The following MAP3K12 variants were observed in gnomAD, a reference collection of about 807,000 sequenced individuals.
The protein encoded by MAP3K12 is MAPK-upstream kinase.
MAP3K12 carries 14 observed loss-of-function variants against 87.5 expected under a neutral mutation model. The observed-to-expected ratio is 0.16, with a 90% CI of 0.11 to 0.25. The LOEUF (loss-of-function observed/expected upper bound fraction) is 0.25, where lower values mean the gene tolerates loss of function less well. Ranked by LOEUF, MAP3K12 falls within the 10% of genes least tolerant of loss-of-function variation. The pLI is 1.00. For synonymous variants in MAP3K12, 469 were observed against 452.5 expected, an observed-to-expected ratio of 1.04 and a Z score of -0.46; for missense variants, 802 against 1,140.4, an observed-to-expected ratio of 0.70 and a Z score of 4.27.
At chr12:53,495,329 ACT>A (rs1943521679) in intron 1 of MAP3K12, among the ~76,000 whole-genome samples, 1 of 97,970 alleles carries the variant, frequency 1.0e-5, no homozygotes, top group Admixed American at 1.7e-4. Flanking sequence ...ACAGAGCAAT[ACT>A]CTGTCTCCAA....
At chr12:53,485,611 A>G (rs1448568050) in intron 4 of MAP3K12, 136 bp from the exon 5 acceptor site, 1 of 982,230 alleles carries the variant, frequency 1.0e-6, no homozygotes, top group African/African-American at 1.6e-5. Context: ...GCTGGAGTGC[A>G]GTGGCTCAAT....
intron 1 of MAP3K12, among the ~76,000 whole-genome samples, chr12:53,495,438 G>GT (rs961211512): frequency 8.8e-4 from 121 of 137,472 alleles, no homozygotes; most frequent in African/African-American, 3.0e-3. Context: ...GTGAAACCCC[G>GT]TTTCTACCAA....
Position 53,486,703 on chromosome 12 carries a change from G to A in MAP3K12, c.446-81C>T. 6.8e-7 allele frequency: 1 copy of A among 1,468,482 alleles called. No individual in the cohort carries two copies. The highest frequency in any genetic ancestry group is 2.5e-5 in the East Asian group (1 of 40,456). The allele number at this position is 1,468,482 out of a possible 1,614,324, so 91.0% of individuals were successfully genotyped here. On this transcript the variant is annotated intron_variant, in intron 2 of 13. Transcript: ENST00000547488. The surrounding 1 kb of genome is among the most constrained non-coding windows in gnomAD (Gnocchi z 4.9). ...GGGACAGGATAGCATTGGGTTGGCT[G>A]AATTGACTTAAGGAGGGTGAGGCAG...
intron 10 of MAP3K12, 72 bp from the exon 11 acceptor site, chr12:53,483,261 C>G: frequency 6.4e-7 from 1 of 1,564,368 alleles, no homozygotes; most frequent in Admixed American, 1.8e-5. Flanking sequence ...TAACCTTGGA[C>G]ACTAAAGTAC....
chr12:53,486,901 G>A lies in MAP3K12; in HGVS notation c.445+46C>T, dbSNP rs1402241996. Reference sequence around the variant, plus strand: ...TTAGCGGAGCTGACCAACAGATCTCGGGCTCAGGGAAACAGAGAGGAGGCT... The same window carrying A: ...TTAGCGGAGCTGACCAACAGATCTCAGGCTCAGGGAAACAGAGAGGAGGCT... On this transcript the variant is annotated intron_variant, in intron 2 of 13. Transcript: ENST00000547488. This position sits in a 1 kb window ranked among gnomAD's most constrained non-coding sequence, Gnocchi z 4.9. 5.0e-6 allele frequency: 8 copies of A among 1,601,754 alleles called. No individual in the cohort carries two copies. The highest frequency in any genetic ancestry group is 4.5e-5 in the South Asian group (4 of 89,770).
chr12:53,500,029 T>C (rs1037991183), upstream of MAP3K12: 5 of 152,340 alleles, frequency 3.3e-5, no homozygotes, highest in African/African-American at 1.2e-4. Flanking sequence ...TTCACCCACT[T>C]GGAATTCACT....
In MAP3K12 at chr12:53,485,182, G is replaced by A; in HGVS notation, c.1013C>T (p.Thr338Ile). 6.2e-7 allele frequency: 1 copy of A among 1,613,860 alleles called. No individual in the cohort carries two copies. The highest frequency in any genetic ancestry group is 8.5e-7 in the Non-Finnish European group (1 of 1,179,856). Residue 338 changes from threonine (T) to isoleucine (I), a missense_variant, in exon 6 of 14, where the codon ACT (threonine) becomes ATT (isoleucine). Thr to Ile is a moderately conservative substitution (Grantham distance 89). Coordinates refer to ENST00000547488, the MANE Select transcript of MAP3K12 (RefSeq NM_001193511.2). ...TACGTCTTTGTAGGGGATCTCACCA[G>A]TCAGCAGTTCCCATAGCACCACGCC... The part of the protein sequence containing the change: ...SFGVVLWELL[T>I]GEIPYKDVDS...
At chr12:53,490,307 A>C (rs573712601) in intron 1 of MAP3K12, among the ~76,000 whole-genome samples, 2 of 152,134 alleles carry the variant, frequency 1.3e-5, no homozygotes, top group East Asian at 3.9e-4. Context: ...GTGTCTCAAC[A>C]ACAACAAAAA....
chr12:53,484,030 G>A lies in MAP3K12; in HGVS notation c.1249-10C>T. On this transcript the variant is annotated splice_polypyrimidine_tract_variant and intron_variant, in intron 7 of 13. Coordinates refer to ENST00000547488, the MANE Select transcript of MAP3K12 (RefSeq NM_001193511.2). Reference sequence around the variant, plus strand: ...CTTCCCGCCACTCTGCCTATGGGTTGAGAGCAGATGAAGAGTGAGAGCCAT... The same window carrying A: ...CTTCCCGCCACTCTGCCTATGGGTTAAGAGCAGATGAAGAGTGAGAGCCAT... 1.2e-6 allele frequency: 2 copies of A among 1,612,388 alleles called. No individual in the cohort carries two copies. Among genetic ancestry groups the A allele is most frequent in the Non-Finnish European group, 1.7e-6 (2 of 1,178,432 alleles).
intron 1 of MAP3K12, among the ~76,000 whole-genome samples, chr12:53,494,064 C>T (rs1943487459): frequency 6.6e-6 from 1 of 152,192 alleles, no homozygotes; most frequent in African/African-American, 2.4e-5. Flanking sequence ...ACACACATAC[C>T]CCTTTTTGTT....
upstream of MAP3K12, chr12:53,499,468 G>C (rs940319907): frequency 6.7e-6 from 1 of 148,212 alleles, no homozygotes; most frequent in African/African-American, 2.5e-5. Flanking sequence ...CGGCGCTGCT[G>C]CAGCTCCGCT....
At position 53,482,927 on chromosome 12, in the gene MAP3K12, C is replaced by A; in HGVS notation, c.1876G>T (p.Ala626Ser). The change falls in exon 11 of 14, where the codon GCC becomes TCC. Residue 626 changes from alanine (A) to serine (S), a missense_variant. Physicochemically the swap from Ala to Ser is moderately conservative, Grantham distance 99 (BLOSUM62 1). Around this residue, in one of 5 missense-constraint regions of MAP3K12, gnomAD observed 490 missense variants for 496.6 expected, o/e 0.99. Transcript: ENST00000547488. ...GPSAWEACPP[A>S]LRGLHHDLLL... is the part of the protein sequence containing the mutation. ...AGGTCATGATGAAGCCCACGGAGGG[C>A]GGGAGGGCAGGCCTCCCAGGCTGAG... 1 of 1,608,614 alleles carries A rather than the reference C, an allele frequency of 6.2e-7. No individual in the cohort carries two copies. Among genetic ancestry groups the A allele is most frequent in the Non-Finnish European group, 8.5e-7 (1 of 1,179,406 alleles).
intron 1 of MAP3K12, among the ~76,000 whole-genome samples, chr12:53,496,456 C>T (rs925013301): frequency 1.3e-5 from 2 of 152,210 alleles, no homozygotes; most frequent in African/African-American, 2.4e-5. Flanking sequence ...TGGATCACCC[C>T]TCAGCCTTAC....
At position 53,481,957 on chromosome 12, in the gene MAP3K12, T is replaced by G. The variant is rs142126648; in HGVS notation, c.2564A>C (p.Glu855Ala). ...EPSSLPIPHQELLRERGPPNS... is the reference protein window; with the variant it reads ...EPSSLPIPHQALLRERGPPNS... ...GCCACTCACCCGCTCTCTGAGAAGT[T>G]CCTGGTGTGGAATGGGCAGGGAGCT... The change falls in exon 13 of 14, where the codon GAA becomes GCA. Residue 855 changes from glutamate to alanine, a missense_variant. Coordinates refer to ENST00000547488, the MANE Select transcript of MAP3K12 (RefSeq NM_001193511.2). 2.2e-5 allele frequency: 36 copies of G among 1,613,090 alleles called. No homozygotes were observed. In the African/African-American group the frequency reaches 4.3e-4, roughly 19 times the overall value.
At position 53,487,020 on chromosome 12, in the gene MAP3K12, G is replaced by C. The variant is rs776027117; in HGVS notation, c.372C>G (p.Leu124=). The C allele has an allele frequency of 5.0e-6, 8 of 1,614,032 alleles. No individual in the cohort carries two copies. The highest frequency in any genetic ancestry group is 6.8e-6 in the Non-Finnish European group (8 of 1,180,032). ...TCCAGACAGGGCGCAGGCAGCCAAA[G>C]AGGCCCTCAAGGAAGCCACTGCCAC... is the stretch of plus-strand genomic sequence containing the variant. The part of the protein sequence containing the change: ...CQSGSGFLEG[L]FGCLRPVWTM... The change falls in exon 2 of 14, where the codon CTC becomes CTG. Residue 124 remains leucine (L), a synonymous_variant. Coordinates refer to ENST00000547488, the MANE Select transcript of MAP3K12 (RefSeq NM_001193511.2).
At chr12:53,485,676 C>G (rs1943209125) in intron 4 of MAP3K12, 1 of 605,154 alleles carries the variant, frequency 1.7e-6, no homozygotes, top group African/African-American at 1.9e-5. Context: ...CTGCCTCAGC[C>G]TCCTGAGTAG....
chr12:53,489,707 T>C (rs2137211982), intron 1 of MAP3K12, among the ~76,000 whole-genome samples: 1 of 152,252 alleles, frequency 6.6e-6, no homozygotes, highest in African/African-American at 2.4e-5. Flanking sequence ...AAGGGTTCAG[T>C]AGATGATTAC....
chr12:53,501,537 C>T, upstream of MAP3K12: 1 of 1,544,906 alleles, frequency 6.5e-7, no homozygotes, highest in Non-Finnish European at 8.8e-7. Context: ...GCGGCCCCAG[C>T]ATGCACCTGG....
chr12:53,489,782 T>C (rs1421135350), intron 1 of MAP3K12, among the ~76,000 whole-genome samples: 1 of 152,200 alleles, frequency 6.6e-6, no homozygotes, highest in Non-Finnish European at 1.5e-5. Flanking sequence ...GCCTTTCCCT[T>C]GAAGACTTTT....
Sources: allele counts gnomAD v4.1 joint callset (sites outside exome capture counted in the v4.1 genomes callset), GRCh38; gene constraint gnomAD v4.1.1; regional missense constraint gnomAD v4.1.1; non-coding constraint Gnocchi (gnomAD v3.1); transcripts MANE v1.5; gene names NCBI Gene and HGNC (gene_info 2026-07-23, HGNC 2026-07-21).